The following TAFA5 variants were observed in gnomAD, a reference collection of about 807,000 sequenced individuals.
The protein encoded by TAFA5 is chemokine-like protein TAFA-5.
A neutral mutation model predicts 15.3 loss-of-function variants in TAFA5; 6 were observed. The observed-to-expected ratio is 0.39, with a 90% CI of 0.21 to 0.77. The LOEUF (loss-of-function observed/expected upper bound fraction) is 0.77, where lower values mean the gene tolerates loss of function less well. Ranked by LOEUF, TAFA5 falls within the 30% of genes least tolerant of loss-of-function variation. TAFA5 has a pLI of 0.41. For missense variants in TAFA5, 161 were observed against 193.1 expected (o/e 0.83, Z 0.98); for synonymous variants, 103 against 80.7 (o/e 1.28, Z -1.48).
In TAFA5 at chr22:48,750,219, A is replaced by T. The variant is rs1403683965; in HGVS notation, c.*372A>T. ...GGCTGCAGCCCAGCCCGCCTGAGAC[A>T]CGACGCCTGCCCCAGGGGACTGTCA... is the stretch of plus-strand genomic sequence containing the variant. On this transcript the variant is annotated 3_prime_UTR_variant, in exon 4 of 4. Transcript: ENST00000402357. 3 of 341,142 alleles carry T rather than the reference A, an allele frequency of 8.8e-6. No individual in the cohort carries two copies. The highest frequency in any genetic ancestry group is 1.6e-5 in the Non-Finnish European group (3 of 184,208). 21.1% of individuals were successfully genotyped at this position (341,142 alleles called of 1,614,324 possible). A position where few individuals can be genotyped will look rare whatever the true frequency, so the allele number is the denominator to read the frequency against.
At position 48,588,383 on chromosome 22, in the gene TAFA5, C is replaced by T. The variant is rs147012974; in HGVS notation, c.113-58214C>T. ...CCCGAGAACCAGGTGCCCTCTCTCC[C>T]GACTTTGCTCCCTGGATGGGGCTGC... On this transcript the variant is annotated intron_variant, in intron 1 of 3. Coordinates refer to ENST00000402357, the MANE Select transcript of TAFA5 (RefSeq NM_001082967.3). Among the ~76,000 whole-genome samples the T allele has an allele frequency of 4.2e-3, 646 of 152,320 alleles. 4 individuals are homozygous for T. The highest frequency in any genetic ancestry group is 5.0e-3 in the Non-Finnish European group (340 of 68,034).
Position 48,501,252 on chromosome 22 carries a change from C to CCCGGGCA in TAFA5, c.112+11558_112+11564dup, listed in dbSNP as rs1920950056. Among the ~76,000 whole-genome samples, 19 of 152,344 alleles carry CCCGGGCA rather than the reference C, an allele frequency of 1.2e-4. No individual in the cohort carries two copies. In the South Asian group the frequency reaches 3.3e-3, roughly 27 times the overall value. On this transcript the variant is annotated intron_variant, in intron 1 of 3. Transcript: ENST00000402357. ...GATTGATTGGAGTGAGGCCTTCTCT[C>CCCGGGCA]CCGGGCACCGGGCACCTTGAGTCAG...
At chr22:48,512,702 C>T (rs1033164690) in intron 1 of TAFA5, among the ~76,000 whole-genome samples, 7 of 150,828 alleles carry the variant, frequency 4.6e-5, no homozygotes, top group African/African-American at 9.8e-5. Flanking sequence ...GGGTGGATCA[C>T]GAGGTCAGGA....
intron 2 of TAFA5, among the ~76,000 whole-genome samples, chr22:48,703,907 C>G (rs910911889): frequency 6.6e-6 from 1 of 152,232 alleles, no homozygotes. Context: ...CGGGCAGATG[C>G]AGAAACATCT....
intron 3 of TAFA5, among the ~76,000 whole-genome samples, chr22:48,730,812 C>T (rs1379201258): frequency 6.6e-6 from 1 of 152,138 alleles, no homozygotes; most frequent in Admixed American, 6.5e-5. Flanking sequence ...CTCTCCTCTC[C>T]ACGGGCCTCC....
chr22:48,695,961 G>A (rs1928698145), intron 2 of TAFA5, among the ~76,000 whole-genome samples: 1 of 152,198 alleles, frequency 6.6e-6, no homozygotes. Context: ...AGGACGCAGA[G>A]GGTCAGCACT....
At chr22:48,691,051 C>G (rs996501994) in intron 2 of TAFA5, among the ~76,000 whole-genome samples, 3 of 152,164 alleles carry the variant, frequency 2.0e-5, no homozygotes, top group African/African-American at 7.2e-5. Flanking sequence ...GTCAAGGAGA[C>G]CCGCCGTAAA....
intron 2 of TAFA5, among the ~76,000 whole-genome samples, chr22:48,684,863 G>A (rs748679252): frequency 1.3e-5 from 2 of 152,232 alleles, no homozygotes; most frequent in African/African-American, 2.4e-5. Context: ...TCCCAGAGGA[G>A]CTTCCCAGAG....
chr22:48,677,158 C>CT (rs1478260192), intron 2 of TAFA5, among the ~76,000 whole-genome samples: 1 of 152,392 alleles, frequency 6.6e-6, no homozygotes, highest in African/African-American at 2.4e-5. Context: ...CACAGGCCAG[C>CT]TGCTGTGAAT....
rs1052185050 is a variant in TAFA5 at position 48,530,108 on chromosome 22, C to A, written c.112+40404C>A. 2.0e-5 allele frequency among the ~76,000 whole-genome samples: 3 copies of A among 152,132 alleles called. No homozygotes were observed. The highest frequency in any genetic ancestry group is 7.2e-5 in the African/African-American group (3 of 41,426). ...AGGGTGAGGGAAGCCCTGGCGTCTG[C>A]AGACCCTCCTGTACTGATGACCTGT... On this transcript the variant is annotated intron_variant, in intron 1 of 3. Coordinates refer to ENST00000402357, the MANE Select transcript of TAFA5 (RefSeq NM_001082967.3). The surrounding 1 kb of genome is among the most constrained non-coding windows in gnomAD (Gnocchi z 6.0).
chr22:48,714,708 C>T (rs191409396), intron 3 of TAFA5, among the ~76,000 whole-genome samples: 2 of 152,372 alleles, frequency 1.3e-5, no homozygotes, highest in African/African-American at 4.8e-5. Context: ...TTTCTGGATA[C>T]ACTTCCTGCC....
At chr22:48,590,580 C>T (rs73890920) in intron 1 of TAFA5, among the ~76,000 whole-genome samples, 1,733 of 152,168 alleles carry the variant, frequency 0.011, 32 homozygotes, top group African/African-American at 0.037. Flanking sequence ...AGAGAAGGGG[C>T]TGAGCCTGGG....
chr22:48,563,157 G>A (rs760731793), intron 1 of TAFA5, among the ~76,000 whole-genome samples: 2 of 152,178 alleles, frequency 1.3e-5, no homozygotes, highest in Admixed American at 6.5e-5. Flanking sequence ...AGGTCTTTGC[G>A]TGGCCCCCAA....
chr22:48,620,897 G>GCCAA (rs1569051117), intron 1 of TAFA5, among the ~76,000 whole-genome samples: 2 of 1,790 alleles, frequency 1.1e-3, no homozygotes, highest in Non-Finnish European at 2.2e-3. Context: ...CACCCACCCA[G>GCCAA]TCTATCCACC....
At chr22:48,578,958 G>A (rs768298881) in intron 1 of TAFA5, among the ~76,000 whole-genome samples, 11 of 152,254 alleles carry the variant, frequency 7.2e-5, no homozygotes, top group Admixed American at 5.9e-4. Context: ...GAACAAGGCA[G>A]GCGGGTGGAC....
intron 1 of TAFA5, among the ~76,000 whole-genome samples, chr22:48,521,386 G>T (rs1921595474): frequency 6.6e-6 from 1 of 152,078 alleles, no homozygotes; most frequent in Non-Finnish European, 1.5e-5. Flanking sequence ...TTGCCAGGCA[G>T]CCAGCTTTGC....
chr22:48,739,453 C>T (rs1930119249), intron 3 of TAFA5, among the ~76,000 whole-genome samples: 1 of 152,312 alleles, frequency 6.6e-6, no homozygotes, highest in South Asian at 2.1e-4. Context: ...CTCTCCACCT[C>T]ATGGCACAGA....
At chr22:48,660,373 C>G (rs539695725) in intron 2 of TAFA5, among the ~76,000 whole-genome samples, 55 of 152,252 alleles carry the variant, frequency 3.6e-4, no homozygotes, top group African/African-American at 1.2e-3. Flanking sequence ...GCGCACATCT[C>G]GAGTATGTTT....
At chr22:48,587,770 G>A (rs766844672) in intron 1 of TAFA5, among the ~76,000 whole-genome samples, 66 of 152,340 alleles carry the variant, frequency 4.3e-4, no homozygotes, top group Middle Eastern at 3.4e-3. Context: ...TCCAAACACG[G>A]CCTTCTGCCC....
Sources: gnomAD v4.1 joint callset for allele counts (sites outside exome capture counted in the v4.1 genomes callset) on GRCh38, gnomAD v4.1.1 for gene constraint, Gnocchi (gnomAD v3.1) non-coding constraint, MANE v1.5 for transcripts, NCBI Gene and HGNC (gene_info 2026-07-23, HGNC 2026-07-21) for gene names.